The following LAMA5 variants were observed in gnomAD, a reference collection of about 807,000 sequenced individuals.
The protein encoded by LAMA5 is laminin subunit alpha 5, also known as laminin subunit alpha-5.
A neutral mutation model predicts 433.4 loss-of-function variants in LAMA5; 260 were observed. That is an observed-to-expected ratio of 0.60 (90% CI 0.54 to 0.66). LAMA5 has a LOEUF of 0.66. Ranked by LOEUF, LAMA5 falls within the 30% of genes least tolerant of loss-of-function variation. LAMA5 has a pLI of 0.00. For synonymous variants in LAMA5, 2,620 were observed against 2,226.6 expected, an observed-to-expected ratio of 1.18 and a Z score of -4.97; for missense variants, 5,378 against 5,258.5, an observed-to-expected ratio of 1.02 and a Z score of -0.70.
chr20:62,316,701 T>G lies in LAMA5; in HGVS notation c.7726A>C (p.Met2576Leu). 3 of 1,607,802 alleles carry G rather than the reference T, an allele frequency of 1.9e-6. No individual in the cohort carries two copies. Among genetic ancestry groups the G allele is most frequent in the Non-Finnish European group, 2.5e-6 (3 of 1,176,802 alleles). ...LANSTALEEA[M>L]LQEQQRLGLV... Reference sequence around the variant, plus strand: ...CCCAGCCTCTGCTGTTCCTGGAGCATGGCCTCTTCTAGTGCAGTGCTGTTG... The same window carrying G: ...CCCAGCCTCTGCTGTTCCTGGAGCAGGGCCTCTTCTAGTGCAGTGCTGTTG... The change falls in exon 57 of 80, where the codon ATG becomes CTG. Residue 2576 changes from methionine to leucine, a missense_variant. By Grantham distance (15) the Met-to-Leu change is conservative (BLOSUM62 2). Transcript: ENST00000252999.
At chr20:62,312,861 C>A (rs1388069978) in intron 66 of LAMA5, 27 bp downstream of exon 66, 4 of 1,599,020 alleles carry the variant, frequency 2.5e-6, no homozygotes, top group African/African-American at 1.3e-5. Context: ...CCTCTCCCTG[C>A]CACCCTGGTC....
At chr20:62,327,062 G>A in intron 38 of LAMA5, 96 bp from the exon 39 acceptor site, 1 of 1,138,066 alleles carries the variant, frequency 8.8e-7, no homozygotes, top group South Asian at 1.5e-5. Context: ...ACAGAGCCCT[G>A]TGCTGGGCCT....
intron 70 of LAMA5, 61 bp downstream of exon 70, chr20:62,311,859 G>A: frequency 6.9e-7 from 1 of 1,458,688 alleles, no homozygotes; most frequent in Admixed American, 1.9e-5. Context: ...CAGAGGTCCA[G>A]GCAAGTGCAG....
In LAMA5 at chr20:62,359,727, G is replaced by A. The variant is rs1057359403; in HGVS notation, c.450+2673C>T. Among the ~76,000 whole-genome samples, 1 of 151,964 alleles carries A rather than the reference G, an allele frequency of 6.6e-6. No individual in the cohort carries two copies. The highest frequency in any genetic ancestry group is 1.9e-4 in the East Asian group (1 of 5,178). The stretch of plus-strand genomic sequence containing the variant: ...GAACCCCTCCACGGCTGGGCGCAGC[G>A]GGACCCAGGCCAGGAGCCCAGCTGG... On this transcript the variant is annotated intron_variant, in intron 2 of 79. Coordinates refer to ENST00000252999, the MANE Select transcript of LAMA5 (RefSeq NM_005560.6). This position sits in a 1 kb window ranked among gnomAD's most constrained non-coding sequence, Gnocchi z 4.3.
Position 62,318,619 on chromosome 20 carries a change from G to A in LAMA5, c.7074C>T (p.Ser2358=), listed in dbSNP as rs1351036129. 4.3e-6 allele frequency: 7 copies of A among 1,610,608 alleles called. No individual in the cohort carries two copies. The highest frequency in any genetic ancestry group is 4.2e-6 in the Non-Finnish European group (5 of 1,178,990). The change falls in exon 53 of 80, where the codon AGC becomes AGT. Residue 2358 remains serine (S), a synonymous_variant. Transcript: ENST00000252999. ...CCAGTGCCTGGTTCTCCTCCCAGAG[G>A]CTGCTCAGCTGCTCCTGCACCCGGG... ...LLARVQEQLS[S]LWEENQALAT...
intron 11 of LAMA5, among the ~76,000 whole-genome samples, chr20:62,344,637 T>C (rs941543450): frequency 6.6e-6 from 1 of 151,994 alleles, no homozygotes; most frequent in African/African-American, 2.4e-5. Flanking sequence ...TTAGTAGAAA[T>C]GGGGTTTCAC....
In LAMA5 at chr20:62,315,929, G is replaced by A. The variant is rs370186448; in HGVS notation, c.7867+19C>T. 20 of 1,549,342 alleles carry A rather than the reference G, an allele frequency of 1.3e-5. No individual in the cohort carries two copies. The African/African-American group carries it at 1.5e-4, about 12-fold the overall frequency. ...TCATGGTCGGCCGGCTGCGAGAGCC[G>A]GGCCCAGGCTCCGCATACCTGTGTC... On this transcript the variant is annotated intron_variant, in intron 58 of 79. Transcript: ENST00000252999.
Position 62,359,883 on chromosome 20 carries a change from G to A in LAMA5, c.450+2517C>T, listed in dbSNP as rs11696726. On this transcript the variant is annotated intron_variant, in intron 2 of 79. Coordinates refer to ENST00000252999, the MANE Select transcript of LAMA5 (RefSeq NM_005560.6). The surrounding 1 kb of genome is among the most constrained non-coding windows in gnomAD (Gnocchi z 4.3). ...TCCGAACCGTGATGCAGCCCACCCC[G>A]CCCTCCTCAGCCTTCCAGGAGCAGG... 0.11 allele frequency among the ~76,000 whole-genome samples: 16,523 copies of A among 150,948 alleles called. 971 individuals carry two copies. The highest frequency in any genetic ancestry group is 0.17 in the South Asian group (806 of 4,738).
At position 62,311,963 on chromosome 20, in the gene LAMA5, C is replaced by T. The variant is rs1368972068; in HGVS notation, c.9592G>A (p.Asp3198Asn). The part of the protein sequence containing the change: ...TEVKTQAGFA[D>N]GAPHYVAFYS... The stretch of plus-strand genomic sequence containing the variant: ...AAGGCGACGTAATGGGGGGCACCAT[C>T]GGCGAAGCCCGCTTGAGTTTTCACT... The change falls in exon 70 of 80, where the codon GAT becomes AAT. Residue 3198 changes from aspartate to asparagine, a missense_variant. Physicochemically the swap from Asp to Asn is conservative, Grantham distance 23. Coordinates refer to ENST00000252999, the MANE Select transcript of LAMA5 (RefSeq NM_005560.6). 17 of 1,612,520 alleles carry T rather than the reference C, an allele frequency of 1.1e-5. No homozygotes were observed. The African/African-American group carries it at 1.5e-4, about 14-fold the overall frequency.
rs531301730 is a variant in LAMA5 at position 62,310,852 on chromosome 20, G to A, written c.10282-23C>T. 37 of 1,596,048 alleles carry A rather than the reference G, an allele frequency of 2.3e-5. 1 individual carries two copies. In the East Asian group the frequency reaches 7.9e-4, roughly 34 times the overall value. ...GACCTGGGGGCAGGAGATGGGTCAG[G>A]GTAGGGCTGCCAGGCCCTGCCCACC... On this transcript the variant is annotated intron_variant, in intron 74 of 79. Transcript: ENST00000252999.
Position 62,315,019 on chromosome 20 carries a change from T to C in LAMA5, c.8047+9A>G. On this transcript the variant is annotated intron_variant, in intron 59 of 79. Transcript: ENST00000252999. ...TCCATCAGGGGCACCGCGAGGGCCA[T>C]GGGCGCACCTGAGTGGCCTGCGTCA... 2.5e-6 allele frequency: 4 copies of C among 1,585,614 alleles called. No individual in the cohort carries two copies. Among genetic ancestry groups the C allele is most frequent in the Non-Finnish European group, 2.6e-6 (3 of 1,171,428 alleles).
chr20:62,323,649 C>T lies in LAMA5; in HGVS notation c.5871G>A (p.Gly1957=). The change falls in exon 45 of 80, where the codon GGG becomes GGA. Residue 1957 remains glycine (G), a synonymous_variant. Transcript: ENST00000252999. The part of the protein sequence containing the change: ...SCERCAPGFF[G]NPLVLGSSCQ... ...AGGAGCTGCCCAGCACCAGTGGGTT[C>T]CCAAAGAATCCGGGCGCACACCTGG... The T allele has an allele frequency of 6.2e-7, 1 of 1,609,620 alleles. No individual in the cohort carries two copies. Among genetic ancestry groups the T allele is most frequent in the South Asian group, 1.1e-5 (1 of 90,610 alleles).
chr20:62,335,349 C>T, intron 18 of LAMA5, 80 bp from the exon 19 acceptor site: 1 of 1,434,262 alleles, frequency 7.0e-7, no homozygotes, highest in Non-Finnish European at 9.6e-7. Context: ...CCCCCACACC[C>T]TAACACCCCC....
At chr20:62,329,964 C>A (rs1282024282) in intron 31 of LAMA5, 48 bp from the exon 32 acceptor site, 2 of 1,593,390 alleles carry the variant, frequency 1.3e-6, no homozygotes, top group South Asian at 2.2e-5. Context: ...CTAGCGCCCC[C>A]AAGACACCCA....
intron 11 of LAMA5, among the ~76,000 whole-genome samples, chr20:62,344,744 C>T (rs6142737): frequency 1.3e-5 from 2 of 151,480 alleles, no homozygotes; most frequent in Non-Finnish European, 2.9e-5. Context: ...CCACTGTGCC[C>T]GGCCAGTTTT....
At chr20:62,329,678 G>C (rs896385986) in intron 32 of LAMA5, 99 bp downstream of exon 32, 15 of 1,444,270 alleles carry the variant, frequency 1.0e-5, no homozygotes, top group Middle Eastern at 1.8e-4. Flanking sequence ...CCAGGCCTCA[G>C]CAGGCCCAGA....
intron 2 of LAMA5, among the ~76,000 whole-genome samples, chr20:62,358,961 C>T (rs527697750): frequency 4.6e-4 from 70 of 152,228 alleles, no homozygotes; most frequent in Admixed American, 8.5e-4. Flanking sequence ...TGGCACTGCT[C>T]GCCCCCAACC....
chr20:62,361,278 G>A (rs1986103103), intron 2 of LAMA5, among the ~76,000 whole-genome samples: 1 of 152,108 alleles, frequency 6.6e-6, no homozygotes. Context: ...TAGGGGCCTG[G>A]CAGGCAGGCA....
chr20:62,311,122 G>T (rs371865593), intron 73 of LAMA5, 28 bp from the exon 74 acceptor site: 1 of 1,563,702 alleles, frequency 6.4e-7, no homozygotes, highest in Admixed American at 1.9e-5. Context: ...GTCAGCCTGC[G>T]CGGCCCCTCT....
Sources: gnomAD v4.1 joint callset for allele counts (sites outside exome capture counted in the v4.1 genomes callset) on GRCh38, gnomAD v4.1.1 for gene constraint, Gnocchi (gnomAD v3.1) non-coding constraint, MANE v1.5 for transcripts, NCBI Gene and HGNC (gene_info 2026-07-23, HGNC 2026-07-21) for gene names.